Variants in IFT74 observed in about 807,000 individuals in gnomAD.
The protein encoded by IFT74 is intraflagellar transport 74, also known as intraflagellar transport protein 74 homolog.
Under a neutral mutation model 96.7 loss-of-function variants are expected in IFT74, and 92 were observed. That is an observed-to-expected ratio of 0.95 (90% CI 0.80 to 1.13). The LOEUF (loss-of-function observed/expected upper bound fraction) is 1.13, where lower values mean the gene tolerates loss of function less well. Among genes scored for constraint, IFT74 ranks in the 50% most tolerant of loss-of-function variants. The probability of loss-of-function intolerance (pLI) is 0.00; values close to 1 mark genes in which losing one functional copy is unlikely to be tolerated. For missense variants in IFT74, 811 were observed against 698.2 expected, an observed-to-expected ratio of 1.16 and a Z score of -1.82; for synonymous variants, 223 against 213.2, an observed-to-expected ratio of 1.05 and a Z score of -0.40.
intron 2 of IFT74, chr9:26,976,694 G>A (rs1192954771): frequency 2.2e-6 from 1 of 450,056 alleles, no homozygotes; most frequent in Admixed American, 2.4e-5. Flanking sequence ...AAAGGCAGGG[G>A]GTACCTGGAA....
chr9:26,972,713 C>G (rs1184594183), intron 2 of IFT74, among the ~76,000 whole-genome samples: 1 of 152,066 alleles, frequency 6.6e-6, no homozygotes, highest in African/African-American at 2.4e-5. Flanking sequence ...TTTTTTGGTT[C>G]TTGCTTAGTT....
chr9:26,983,578 T>C (rs1827482899), intron 4 of IFT74, among the ~76,000 whole-genome samples: 1 of 152,118 alleles, frequency 6.6e-6, no homozygotes, highest in Non-Finnish European at 1.5e-5. Flanking sequence ...ATGTCATTAG[T>C]GCTACTGTTG....
At chr9:26,962,726 G>T (rs1027233719) in intron 2 of IFT74, among the ~76,000 whole-genome samples, 1 of 152,084 alleles carries the variant, frequency 6.6e-6, no homozygotes, top group African/African-American at 2.4e-5. Context: ...CAAGTATTCT[G>T]TATAAACTTG....
At chr9:26,966,459 C>T (rs905418032) in intron 2 of IFT74, among the ~76,000 whole-genome samples, 6 of 151,914 alleles carry the variant, frequency 3.9e-5, no homozygotes, top group African/African-American at 7.2e-5. Flanking sequence ...ACCTGTTTGA[C>T]GTTTGTATAT....
intron 4 of IFT74, among the ~76,000 whole-genome samples, chr9:26,983,015 T>G (rs1215435409): frequency 6.6e-6 from 1 of 152,224 alleles, no homozygotes; most frequent in Non-Finnish European, 1.5e-5. Context: ...TTACTTCATT[T>G]TCTTTTTGGC....
intron 4 of IFT74, among the ~76,000 whole-genome samples, chr9:26,982,925 A>C (rs1414827960): frequency 2.0e-5 from 3 of 152,102 alleles, no homozygotes; most frequent in African/African-American, 7.2e-5. Context: ...CTGGGGATGC[A>C]TCTCTAAATC....
rs897708787 is a variant in IFT74, at chr9:27,053,031, T to C, written c.1334-2578T>C. Among the ~76,000 whole-genome samples the C allele has an allele frequency of 7.2e-5, 11 of 152,140 alleles. No homozygotes were observed. The East Asian group carries it at 1.2e-3, about 16-fold the overall frequency. On this transcript the variant is annotated intron_variant, in intron 16 of 19. Coordinates refer to ENST00000380062, the MANE Select transcript of IFT74 (RefSeq NM_025103.4). ...GGCACCCACCACCTCGCCCGGCTAA[T>C]TTTTTGTATTTTTAGTAGAGACGGG...
In IFT74 at chr9:27,022,996, G is replaced by C. The variant is rs1307272462; in HGVS notation, c.974+4309G>C. 3.3e-5 allele frequency among the ~76,000 whole-genome samples: 5 copies of C among 152,208 alleles called. No homozygotes were observed. The East Asian group carries it at 9.7e-4, about 29-fold the overall frequency. ...TGGTATATAGCGGTGCTACTGATTT[G>C]TGTACATTGATTTTGTGTCCTGAAA... On this transcript the variant is annotated intron_variant, in intron 12 of 19. Transcript: ENST00000380062.
chr9:26,953,733 A>T (rs1471718173), upstream of IFT74, among the ~76,000 whole-genome samples: 2 of 135,702 alleles, frequency 1.5e-5, no homozygotes, highest in Admixed American at 1.4e-4. Flanking sequence ...CCAGTCTTGA[A>T]CTCCTGGCCT....
At chr9:26,988,945 T>C (rs574090485) in intron 7 of IFT74, among the ~76,000 whole-genome samples, 2 of 152,316 alleles carry the variant, frequency 1.3e-5, no homozygotes, top group African/African-American at 2.4e-5. Flanking sequence ...GTTTAGTGAC[T>C]GTCTACTGTG....
At chr9:27,061,367 T>C (rs1468208622) in intron 19 of IFT74, among the ~76,000 whole-genome samples, 1 of 152,198 alleles carries the variant, frequency 6.6e-6, no homozygotes, top group Non-Finnish European at 1.5e-5. Flanking sequence ...CTGTATCATC[T>C]CTTAAGATTC....
intron 8 of IFT74, among the ~76,000 whole-genome samples, chr9:26,998,831 A>C (rs1360610793): frequency 4.3e-5 from 6 of 139,170 alleles, no homozygotes; most frequent in Admixed American, 3.5e-4. Context: ...TGAAAATACA[A>C]AAAAAAAAAA....
chr9:26,988,656 TTTTTG>T lies in IFT74; in HGVS notation c.466-8_466-4del. On this transcript the variant is annotated splice_polypyrimidine_tract_variant and splice_region_variant and intron_variant, in intron 6 of 19. Transcript: ENST00000380062. ...ACAAAATGGTGTTTGTTTGTTTGTA[TTTTTG>T]TTTTTAGTTGGTAGATAAACTTAAT... 1 of 1,540,874 alleles carries T rather than the reference TTTTTG, an allele frequency of 6.5e-7. No homozygotes were observed. The highest frequency in any genetic ancestry group is 1.4e-5 in the African/African-American group (1 of 72,680).
chr9:26,957,710 A>G (rs1442182146), intron 1 of IFT74, among the ~76,000 whole-genome samples: 1 of 152,234 alleles, frequency 6.6e-6, no homozygotes, highest in Non-Finnish European at 1.5e-5. Context: ...ACTGATTACG[A>G]GTAATGCTAA....
intron 18 of IFT74, among the ~76,000 whole-genome samples, chr9:27,057,051 T>C (rs1820198307): frequency 6.6e-6 from 1 of 152,182 alleles, no homozygotes; most frequent in Non-Finnish European, 1.5e-5. Context: ...TGTCAATATA[T>C]ATATTGACTT....
intron 8 of IFT74, chr9:26,995,506 A>T (rs749353126): frequency 6.8e-7 from 1 of 1,475,938 alleles, no homozygotes; most frequent in East Asian, 2.4e-5. Flanking sequence ...TTTAAAAAGC[A>T]AACTTTGAAA....
rs190653014 is a variant in IFT74, at chr9:27,012,766, G to T, written c.789+798G>T. Among the ~76,000 whole-genome samples the T allele has an allele frequency of 3.8e-3, 519 of 137,434 alleles. 5 individuals are homozygous for T. The highest frequency in any genetic ancestry group is 0.014 in the African/African-American group (493 of 36,030). 90.2% of individuals were successfully genotyped at this position (137,434 alleles called of 152,430 possible). On this transcript the variant is annotated intron_variant, in intron 10 of 19. Coordinates refer to ENST00000380062, the MANE Select transcript of IFT74 (RefSeq NM_025103.4). ...GAGTATCGCTCTGTTGCCCAGGCTG[G>T]AGTGCAGTGGTGCGATCTCGGCTCA... is the stretch of plus-strand genomic sequence containing the variant.
chr9:27,028,868 T>A, intron 12 of IFT74, 157 bp from the exon 13 acceptor site: 2 of 582,298 alleles, frequency 3.4e-6, no homozygotes, highest in South Asian at 6.1e-5. Flanking sequence ...AAAGATATCC[T>A]AATGTCATCG....
At chr9:27,016,658 T>C (rs995148777) in intron 10 of IFT74, among the ~76,000 whole-genome samples, 2 of 152,244 alleles carry the variant, frequency 1.3e-5, no homozygotes, top group African/African-American at 2.4e-5. Flanking sequence ...AGGTCTTATA[T>C]GTAGAAAATA....
Sources: gnomAD v4.1 joint callset for allele counts (sites outside exome capture counted in the v4.1 genomes callset) on GRCh38, gnomAD v4.1.1 for gene constraint, MANE v1.5 for transcripts, NCBI Gene and HGNC (gene_info 2026-07-23, HGNC 2026-07-21) for gene names.